Variants in TMED3 observed in about 807,000 individuals in gnomAD.
TMED3 encodes transmembrane p24 trafficking protein 3.
A neutral mutation model predicts 15.0 loss-of-function variants in TMED3; 9 were observed. The observed-to-expected ratio is 0.60, with a 90% confidence interval of 0.36 to 1.04. The LOEUF (loss-of-function observed/expected upper bound fraction) is 1.04, where lower values mean the gene tolerates loss of function less well. Ranked by LOEUF, TMED3 falls within the 50% of genes least tolerant of loss-of-function variation. TMED3 has a pLI of 0.01. For synonymous variants in TMED3, 117 were observed against 121.4 expected (o/e 0.96, Z 0.24); for missense variants, 267 against 278.9 (o/e 0.96, Z 0.30).
chr15:79,353,193 A>T (rs59267569), intron 2 of TMED3, among the ~76,000 whole-genome samples: 4 of 67,958 alleles, frequency 5.9e-5, no homozygotes, highest in Non-Finnish European at 1.0e-4. Flanking sequence ...AAATATATAT[A>T]ATATATAAAA....
intron 2 of TMED3, among the ~76,000 whole-genome samples, chr15:79,331,401 A>T (rs4483826): frequency 0.24 from 27,381 of 113,032 alleles, 2,447 homozygotes; most frequent in Admixed American, 0.32. Flanking sequence ...CAACACAAAA[A>T]TCCACTCAAA....
At chr15:79,397,579 A>G (rs1893777007) in intron 2 of TMED3, among the ~76,000 whole-genome samples, 1 of 152,242 alleles carries the variant, frequency 6.6e-6, no homozygotes, top group African/African-American at 2.4e-5. Flanking sequence ...CATGAAGGGT[A>G]GGTAAACAAG....
chr15:79,391,654 G>A (rs1026951120), intron 2 of TMED3, among the ~76,000 whole-genome samples: 9 of 148,684 alleles, frequency 6.1e-5, no homozygotes, highest in African/African-American at 2.0e-4. Context: ...GACCTGTCTT[G>A]ATGACATCTA....
intron 2 of TMED3, among the ~76,000 whole-genome samples, chr15:79,388,782 C>T (rs1476269884): frequency 2.0e-5 from 3 of 152,136 alleles, no homozygotes; most frequent in Admixed American, 6.6e-5. Flanking sequence ...AGATTATGGC[C>T]ATTCTTGCAG....
intron 2 of TMED3, among the ~76,000 whole-genome samples, chr15:79,379,152 CA>C (rs1366656622): frequency 6.6e-5 from 10 of 152,198 alleles, no homozygotes; most frequent in African/African-American, 2.4e-4. Flanking sequence ...CCTTTACTCA[CA>C]GGCACCATAT....
At chr15:79,326,035 C>G (rs1045486853), downstream of TMED3, among the ~76,000 whole-genome samples, 1 of 152,140 alleles carries the variant, frequency 6.6e-6, no homozygotes, top group Non-Finnish European at 1.5e-5. Context: ...TACTAGCTAT[C>G]TAGGCATCTT....
At chr15:79,394,027 CTCTAATT>C (rs1893732316) in intron 2 of TMED3, among the ~76,000 whole-genome samples, 1 of 152,110 alleles carries the variant, frequency 6.6e-6, no homozygotes, top group Admixed American at 6.6e-5. Flanking sequence ...TCCTTTCTAC[CTCTAATT>C]TTTAAGTCAT....
chr15:79,378,708 G>T (rs1002476312), intron 2 of TMED3, among the ~76,000 whole-genome samples: 2 of 152,184 alleles, frequency 1.3e-5, no homozygotes, highest in Admixed American at 1.3e-4. Context: ...AAAGGGGAAG[G>T]TTGTTGTAAA....
intron 2 of TMED3, among the ~76,000 whole-genome samples, chr15:79,401,451 T>C (rs1024354773): frequency 1.3e-5 from 2 of 152,184 alleles, no homozygotes; most frequent in African/African-American, 4.8e-5. Flanking sequence ...CAGGAGTGGC[T>C]TTGCCCCCAG....
chr15:79,371,008 A>G (rs1403073537), intron 2 of TMED3, among the ~76,000 whole-genome samples: 3 of 152,226 alleles, frequency 2.0e-5, no homozygotes, highest in Non-Finnish European at 4.4e-5. Context: ...AGGCAGATGA[A>G]CTGTTACTAA....
At position 79,390,282 on chromosome 15, in the gene TMED3, A is replaced by G. The variant is rs187522181; in HGVS notation, c.418-21118A>G. Among the ~76,000 whole-genome samples, 242 of 152,262 alleles carry G rather than the reference A, an allele frequency of 1.6e-3. 1 individual carries two copies. The highest frequency in any genetic ancestry group is 5.4e-3 in the African/African-American group (223 of 41,546). On this transcript the variant is annotated intron_variant, in intron 2 of 2. Coordinates refer to the TMED3 transcript ENST00000424155. ...TGTCACTTGTATGCTGATTTTGCTG[A>G]GAGTTATAATCATGAAGCAATGATG...
intron 2 of TMED3, among the ~76,000 whole-genome samples, chr15:79,394,047 A>G (rs558075996): frequency 2.0e-5 from 3 of 152,180 alleles, no homozygotes; most frequent in African/African-American, 7.2e-5. Context: ...TAAGTCATGG[A>G]TGTAGGCCTC....
At chr15:79,364,713 T>C (rs1893196193) in intron 2 of TMED3, among the ~76,000 whole-genome samples, 1 of 145,670 alleles carries the variant, frequency 6.9e-6, no homozygotes. Flanking sequence ...CCGAGAGGAG[T>C]TCAGCTGGGG....
chr15:79,377,836 C>T (rs13379725), intron 2 of TMED3, among the ~76,000 whole-genome samples: 2,830 of 152,026 alleles, frequency 0.019, 91 homozygotes, highest in African/African-American at 0.064. Flanking sequence ...TTAGTAGAGA[C>T]GGGGTTTCAC....
intron 2 of TMED3, among the ~76,000 whole-genome samples, chr15:79,343,470 GC>G (rs2058858519): frequency 6.6e-6 from 1 of 152,148 alleles, no homozygotes; most frequent in South Asian, 2.1e-4. Flanking sequence ...AGTATTTTAT[GC>G]TATGGATGTA....
intron 2 of TMED3, among the ~76,000 whole-genome samples, chr15:79,376,114 T>G (rs915861838): frequency 2.1e-5 from 2 of 94,744 alleles, no homozygotes; most frequent in Non-Finnish European, 2.1e-5. Context: ...TTTTTTTTTT[T>G]TTTTTTTTTT....
At chr15:79,343,216 A>G (rs1032636970) in intron 2 of TMED3, among the ~76,000 whole-genome samples, 1 of 152,054 alleles carries the variant, frequency 6.6e-6, no homozygotes, top group Non-Finnish European at 1.5e-5. Flanking sequence ...GGTGCATACA[A>G]CCTCCATCAC....
intron 2 of TMED3, among the ~76,000 whole-genome samples, chr15:79,345,793 C>T (rs1188432553): frequency 1.3e-5 from 2 of 152,158 alleles, no homozygotes; most frequent in Non-Finnish European, 2.9e-5. Flanking sequence ...TCCTTTTTCT[C>T]CACAACCTCA....
chr15:79,403,161 T>A lies in TMED3; in HGVS notation c.418-8239T>A, dbSNP rs564939128. 2.2e-5 allele frequency among the ~76,000 whole-genome samples: 3 copies of A among 135,704 alleles called. No individual in the cohort carries two copies. The East Asian group carries it at 6.4e-4, about 29-fold the overall frequency. The allele number at this position is 135,704 out of a possible 152,430, so 89.0% of individuals were successfully genotyped here. A position where few individuals can be genotyped will look rare whatever the true frequency, so the allele number is the denominator to read the frequency against. ...TCATTTGAGCCCAGGAAACAGAGAT[T>A]GCAGTGAGCTGAGATCACATCACTG... On this transcript the variant is annotated intron_variant, in intron 2 of 2. Transcript: ENST00000424155.
Sources: gnomAD v4.1 joint callset for allele counts (sites outside exome capture counted in the v4.1 genomes callset) on GRCh38, gnomAD v4.1.1 for gene constraint, MANE v1.5 for transcripts, NCBI Gene and HGNC (gene_info 2026-07-23, HGNC 2026-07-21) for gene names.